The following CAMKMT variants were observed in gnomAD, a reference collection of about 807,000 sequenced individuals.
CAMKMT encodes calmodulin-lysine N-methyltransferase.
CAMKMT carries 53 observed loss-of-function variants against 48.0 expected under a neutral mutation model. The ratio of observed to expected loss-of-function variants is 1.10; its 90% CI spans 0.89 to 1.39. The LOEUF is 1.39. Among genes scored for constraint, CAMKMT ranks in the 40% most tolerant of loss-of-function variants. CAMKMT has a pLI of 0.00. For missense variants in CAMKMT, 428 were observed against 402.7 expected (o/e 1.06, Z -0.54); for synonymous variants, 165 against 152.3 (o/e 1.08, Z -0.61).
intron 9 of CAMKMT, among the ~76,000 whole-genome samples, chr2:44,754,490 A>G (rs1332222855): frequency 6.6e-6 from 1 of 152,234 alleles, no homozygotes; most frequent in Admixed American, 6.5e-5. Flanking sequence ...AATTCCTTCA[A>G]TGGCAACCTT....
In CAMKMT at chr2:44,525,107, G is replaced by GA. The variant is rs541983356; in HGVS notation, c.376+134805dup. Reference sequence around the variant, plus strand: ...AGTAGTTATAGTAGTAGTAATACTGGAAATTTTTCAGGCATTTATATAAAT... The same window carrying GA: ...AGTAGTTATAGTAGTAGTAATACTGGAAAATTTTTCAGGCATTTATATAAAT... On this transcript the variant is annotated intron_variant, in intron 3 of 10. Coordinates refer to ENST00000378494, the MANE Select transcript of CAMKMT (RefSeq NM_024766.5). Among the ~76,000 whole-genome samples, 81 of 152,060 alleles carry GA rather than the reference G, an allele frequency of 5.3e-4. 1 individual carries two copies. Among genetic ancestry groups the GA allele is most frequent in the Non-Finnish European group, 9.6e-4 (65 of 68,018 alleles).
Position 44,372,829 on chromosome 2 carries a change from G to A in CAMKMT, c.252G>A (p.Glu84=), listed in dbSNP as rs772142079. ...GCAAAGAAAGGGAAACTGAAGAGGA[G>A]GTTGGTGCATGGGTCCAATATACAA... ...TEGKERETEE[E]VGAWVQYTSI... The change falls in exon 2 of 11, where the codon GAG becomes GAA. Residue 84 remains glutamate, a synonymous_variant. Coordinates refer to ENST00000378494, the MANE Select transcript of CAMKMT (RefSeq NM_024766.5). 6.2e-7 allele frequency: 1 copy of A among 1,613,918 alleles called. No individual in the cohort carries two copies. Among genetic ancestry groups the A allele is most frequent in the Admixed American group, 1.7e-5 (1 of 59,998 alleles).
chr2:44,661,509 T>A (rs1404550584), intron 3 of CAMKMT, among the ~76,000 whole-genome samples: 1 of 151,984 alleles, frequency 6.6e-6, no homozygotes, highest in Non-Finnish European at 1.5e-5. Flanking sequence ...AGAGAAAGGG[T>A]TTCACCATGT....
At chr2:44,770,281 G>A (rs370362626) in intron 10 of CAMKMT, among the ~76,000 whole-genome samples, 1 of 152,206 alleles carries the variant, frequency 6.6e-6, no homozygotes, top group Admixed American at 6.5e-5. Context: ...TTGCCTTTGA[G>A]GGTTGTCAGC....
At chr2:44,436,201 G>C (rs1009853391) in intron 3 of CAMKMT, among the ~76,000 whole-genome samples, 1 of 152,108 alleles carries the variant, frequency 6.6e-6, no homozygotes, top group Non-Finnish European at 1.5e-5. Context: ...TCAGCCACCT[G>C]AGTAACTGGG....
At chr2:44,732,425 C>T (rs924329285) in intron 7 of CAMKMT, among the ~76,000 whole-genome samples, 1 of 152,242 alleles carries the variant, frequency 6.6e-6, no homozygotes, top group South Asian at 2.1e-4. Flanking sequence ...AGTGTAATTA[C>T]AAGCAACATG....
At chr2:44,551,341 A>C (rs1667706031) in intron 3 of CAMKMT, among the ~76,000 whole-genome samples, 1 of 152,172 alleles carries the variant, frequency 6.6e-6, no homozygotes. Flanking sequence ...GGTGACTCTA[A>C]GCAGATGGCT....
intron 3 of CAMKMT, among the ~76,000 whole-genome samples, chr2:44,465,738 A>G (rs1668078318): frequency 6.6e-6 from 1 of 152,204 alleles, no homozygotes; most frequent in Non-Finnish European, 1.5e-5. Context: ...TAATCAAAGA[A>G]CAGAGAGTAG....
chr2:44,458,842 G>GC lies in CAMKMT; in HGVS notation c.376+68538dup, dbSNP rs553888055. On this transcript the variant is annotated intron_variant, in intron 3 of 10. Transcript: ENST00000378494. ...TTTTTTTCTTCTTCCTCTTCTAGTT[G>GC]CAGTAATACGAGGTTTCTAAAGGCC... Among the ~76,000 whole-genome samples, 38 of 152,186 alleles carry GC rather than the reference G, an allele frequency of 2.5e-4. No individual in the cohort carries two copies. In the East Asian group the frequency reaches 7.3e-3, roughly 29 times the overall value.
At chr2:44,507,064 T>C (rs1323199820) in intron 3 of CAMKMT, among the ~76,000 whole-genome samples, 1 of 113,962 alleles carries the variant, frequency 8.8e-6, no homozygotes, top group Non-Finnish European at 1.9e-5. Flanking sequence ...TTCATAAAAT[T>C]TGTGCAATCT....
At chr2:44,523,652 A>T (rs1398671160) in intron 3 of CAMKMT, among the ~76,000 whole-genome samples, 1 of 151,838 alleles carries the variant, frequency 6.6e-6, no homozygotes, top group Non-Finnish European at 1.5e-5. Context: ...CTGAGCTAGG[A>T]TGACCTAAAG....
At chr2:44,676,724 A>T (rs1350182747) in intron 3 of CAMKMT, 2 of 152,168 alleles carry the variant, frequency 1.3e-5, no homozygotes, top group African/African-American at 4.8e-5. Context: ...TAGTCACCTG[A>T]CCTCACTGAG....
At chr2:44,677,722 C>T (rs969714828) in intron 3 of CAMKMT, among the ~76,000 whole-genome samples, 1 of 144,412 alleles carries the variant, frequency 6.9e-6, no homozygotes, top group Non-Finnish European at 1.5e-5. Flanking sequence ...AAAAAAAAAG[C>T]GTATTTACTT....
chr2:44,596,101 G>T (rs189998619), intron 3 of CAMKMT, among the ~76,000 whole-genome samples: 2 of 151,214 alleles, frequency 1.3e-5, no homozygotes, highest in African/African-American at 4.9e-5. Flanking sequence ...AAACCTGCAT[G>T]TTCTGCACAT....
intron 9 of CAMKMT, among the ~76,000 whole-genome samples, chr2:44,760,288 G>T (rs1392480567): frequency 6.6e-6 from 1 of 152,038 alleles, no homozygotes; most frequent in Non-Finnish European, 1.5e-5. Context: ...GAAAAATCAT[G>T]GTGTGTTTTG....
chr2:44,522,009 T>C (rs921137129), intron 3 of CAMKMT, among the ~76,000 whole-genome samples: 2 of 150,922 alleles, frequency 1.3e-5, no homozygotes, highest in African/African-American at 4.9e-5. Flanking sequence ...TTTTCTTTCT[T>C]TCTTTTTTTT....
chr2:44,542,537 A>ACACACACACTCT (rs1237950640), intron 3 of CAMKMT, among the ~76,000 whole-genome samples: 1 of 67,888 alleles, frequency 1.5e-5, no homozygotes, highest in African/African-American at 3.7e-5. Flanking sequence ...ACACACACAC[A>ACACACACACTCT]CTCTCTCTCT....
intron 3 of CAMKMT, among the ~76,000 whole-genome samples, chr2:44,483,365 G>T (rs1309830142): frequency 6.6e-6 from 1 of 152,044 alleles, no homozygotes; most frequent in Non-Finnish European, 1.5e-5. Context: ...GAGGTATAGG[G>T]ATCCAACAGT....
At chr2:44,647,199 C>G (rs971403565) in intron 3 of CAMKMT, among the ~76,000 whole-genome samples, 1 of 152,176 alleles carries the variant, frequency 6.6e-6, no homozygotes, top group African/African-American at 2.4e-5. Context: ...TTCCTGTGGT[C>G]AACTACAATA....
Sources: allele counts gnomAD v4.1 joint callset (sites outside exome capture counted in the v4.1 genomes callset), GRCh38; gene constraint gnomAD v4.1.1; transcripts MANE v1.5; gene names NCBI Gene and HGNC (gene_info 2026-07-23, HGNC 2026-07-21).